Variants in KIF15 observed in about 807,000 individuals in gnomAD.
The protein encoded by KIF15 is kinesin-like protein KIF15.
A neutral mutation model predicts 190.6 loss-of-function variants in KIF15; 140 were observed. That is an observed-to-expected ratio of 0.73 (90% CI 0.64 to 0.84). KIF15 has a LOEUF of 0.84. KIF15 is among the 40% of genes least tolerant of loss of function. The pLI, the probability that KIF15 is intolerant of heterozygous loss-of-function variation, is 0.00. For missense variants in KIF15, 1,372 were observed against 1,584.4 expected, an observed-to-expected ratio of 0.87 and a Z score of 2.28; for synonymous variants, 528 against 551.3, an observed-to-expected ratio of 0.96 and a Z score of 0.59.
intron 24 of KIF15, among the ~76,000 whole-genome samples, 170 bp downstream of exon 24, chr3:44,828,470 C>T (rs141111451): frequency 9.3e-4 from 142 of 152,262 alleles, no homozygotes; most frequent in African/African-American, 3.3e-3. Context: ...AGAATGAGGT[C>T]TTCCACTTAA....
At chr3:44,804,716 G>A (rs933252794) in intron 14 of KIF15, among the ~76,000 whole-genome samples, 2 of 152,106 alleles carry the variant, frequency 1.3e-5, no homozygotes, top group East Asian at 3.8e-4. Context: ...TTTAGGGCTC[G>A]CTTTCCAACC....
chr3:44,833,661 C>A (rs1698177365), intron 26 of KIF15, among the ~76,000 whole-genome samples: 1 of 138,766 alleles, frequency 7.2e-6, no homozygotes, highest in African/African-American at 2.5e-5. Flanking sequence ...TCGCTTTCCT[C>A]CTGCTGTGCA....
chr3:44,812,913 A>T (rs1482611682), intron 18 of KIF15, among the ~76,000 whole-genome samples, 162 bp from the exon 19 acceptor site: 3 of 151,916 alleles, frequency 2.0e-5, no homozygotes, highest in Admixed American at 1.3e-4. Flanking sequence ...TGAACCCAGG[A>T]GGCGGAGGTT....
chr3:44,850,823 C>G (rs771651263), intron 32 of KIF15, among the ~76,000 whole-genome samples: 1 of 152,078 alleles, frequency 6.6e-6, no homozygotes, highest in African/African-American at 2.4e-5. Context: ...AGCAATCAAC[C>G]GCTAGAAATT....
intron 20 of KIF15, among the ~76,000 whole-genome samples, chr3:44,821,529 G>A (rs1297425071): frequency 6.6e-6 from 1 of 151,898 alleles, no homozygotes; most frequent in Admixed American, 6.6e-5. Flanking sequence ...GACGATGAGT[G>A]GCCGGGCAGA....
At chr3:44,820,548 G>A (rs1708224681) in intron 20 of KIF15, among the ~76,000 whole-genome samples, 1 of 151,928 alleles carries the variant, frequency 6.6e-6, no homozygotes. Context: ...GAGTGGTGAT[G>A]ACTCTTAACG....
intron 8 of KIF15, among the ~76,000 whole-genome samples, chr3:44,795,680 T>TTA (rs34530784): frequency 0.043 from 6,477 of 150,106 alleles, 167 homozygotes; most frequent in Non-Finnish European, 0.063. Context: ...CAATATGTGT[T>TTA]TATATATATA....
At chr3:44,834,470 A>C (rs974310579) in intron 26 of KIF15, among the ~76,000 whole-genome samples, 1 of 152,222 alleles carries the variant, frequency 6.6e-6, no homozygotes, top group Non-Finnish European at 1.5e-5. Flanking sequence ...AATATTTACT[A>C]TGTGCCATTA....
chr3:44,862,219 G>A, intron 6 of KIF15: 1 of 634,972 alleles, frequency 1.6e-6, no homozygotes. Flanking sequence ...CTTGGGGTGG[G>A]GCGGGGGTGG....
chr3:44,793,873 T>TC (rs1706838656), intron 7 of KIF15, among the ~76,000 whole-genome samples: 1 of 151,680 alleles, frequency 6.6e-6, no homozygotes, highest in Non-Finnish European at 1.5e-5. Flanking sequence ...CCTTTTTTTT[T>TC]CTCTTTTCCT....
At chr3:44,823,510 A>G (rs1697471682) in intron 20 of KIF15, among the ~76,000 whole-genome samples, 1 of 152,150 alleles carries the variant, frequency 6.6e-6, no homozygotes, top group South Asian at 2.1e-4. Context: ...CTCAGTGCTC[A>G]AACACCGTGT....
At chr3:44,803,677 T>C (rs1398279487) in intron 14 of KIF15, among the ~76,000 whole-genome samples, 2 of 152,202 alleles carry the variant, frequency 1.3e-5, no homozygotes, top group Admixed American at 6.5e-5. Flanking sequence ...TAGGTTGAAA[T>C]TGAAAAAGTT....
intron 20 of KIF15, among the ~76,000 whole-genome samples, chr3:44,820,891 C>T (rs1426865480): frequency 8.5e-5 from 13 of 152,286 alleles, no homozygotes; most frequent in Admixed American, 4.6e-4. Flanking sequence ...GGGTGGTGGC[C>T]GGGCAGAGGG....
intron 3 of KIF15, 62 bp downstream of exon 3, chr3:44,775,499 A>T: frequency 7.9e-7 from 1 of 1,268,080 alleles, no homozygotes; most frequent in Non-Finnish European, 1.1e-6. Context: ...CTCTGTCACC[A>T]GGCTGGAGTG....
chr3:44,789,691 T>TATATATATATAA (rs1200236750), intron 7 of KIF15, among the ~76,000 whole-genome samples: 3 of 109,770 alleles, frequency 2.7e-5, no homozygotes, highest in African/African-American at 1.1e-4. Flanking sequence ...TATATATATA[T>TATATATATATAA]AAAATAGATA....
intron 6 of KIF15, chr3:44,865,323 G>A (rs1268418689): frequency 1.8e-6 from 2 of 1,083,918 alleles, no homozygotes; most frequent in Non-Finnish European, 2.7e-6. Flanking sequence ...GATGGAGCAG[G>A]CTCTGGCTCT....
intron 20 of KIF15, among the ~76,000 whole-genome samples, chr3:44,822,148 G>A (rs958271800): frequency 1.3e-5 from 2 of 152,322 alleles, no homozygotes; most frequent in Middle Eastern, 3.4e-3. Flanking sequence ...GGTACTGGTT[G>A]TTCCTTTCCA....
chr3:44,817,060 A>G (rs1349926416), intron 20 of KIF15, among the ~76,000 whole-genome samples: 1 of 151,618 alleles, frequency 6.6e-6, no homozygotes, highest in Non-Finnish European at 1.5e-5. Context: ...GTCTGTTCAT[A>G]TCCTTTGCCC....
intron 4 of KIF15, 59 bp downstream of exon 4, chr3:44,778,250 G>A: frequency 1.5e-6 from 2 of 1,325,088 alleles, no homozygotes; most frequent in Non-Finnish European, 2.2e-6. Context: ...TCCTGTTGCT[G>A]TTGTAACAAA....
Sources: gnomAD v4.1 joint callset for allele counts (sites outside exome capture counted in the v4.1 genomes callset) on GRCh38, gnomAD v4.1.1 for gene constraint, MANE v1.5 for transcripts, NCBI Gene and HGNC (gene_info 2026-07-23, HGNC 2026-07-21) for gene names.